The following PHEX variants were observed in gnomAD, a reference collection of about 807,000 sequenced individuals.
PHEX encodes the protein phosphate regulating endopeptidase X-linked.
Under a neutral mutation model 68.0 loss-of-function variants are expected in PHEX, and 16 were observed. The ratio of observed to expected loss-of-function variants is 0.24; its 90% confidence interval spans 0.16 to 0.36. The LOEUF is 0.36. Ranked by LOEUF, PHEX falls within the 10% of genes least tolerant of loss-of-function variation. The pLI, the probability that PHEX is intolerant of heterozygous loss-of-function variation, is 1.00. For synonymous variants in PHEX, 208 were observed against 205.1 expected (o/e 1.01, Z -0.12); for missense variants, 480 against 575.5 (o/e 0.83, Z 1.70).
chrX:22,223,646 G>A (rs956609251), intron 18 of PHEX, among the ~76,000 whole-genome samples: 2 of 96,171 alleles, frequency 2.1e-5, no homozygotes, highest in South Asian at 8.5e-4. Context: ...CTACTCAGGA[G>A]GCTGAGGTGG....
intron 13 of PHEX, among the ~76,000 whole-genome samples, chrX:22,175,347 C>G (rs1433641427): frequency 9.5e-6 from 1 of 105,513 alleles, no homozygotes; most frequent in African/African-American, 3.4e-5. Context: ...TTCTTTACAA[C>G]GTTTTTTTTT....
At chrX:22,112,992 A>G (rs1931047497) in intron 10 of PHEX, among the ~76,000 whole-genome samples, 1 of 105,752 alleles carries the variant, frequency 9.5e-6, no homozygotes, top group African/African-American at 3.4e-5. Flanking sequence ...TTAAGATACA[A>G]AACAAGTAGG....
intron 16 of PHEX, among the ~76,000 whole-genome samples, chrX:22,215,172 CTATT>C (rs1213812183): frequency 4.5e-5 from 5 of 111,208 alleles, no homozygotes; most frequent in South Asian, 3.8e-4. Context: ...ATGTTAGTGT[CTATT>C]TGTTTGTACC....
intron 20 of PHEX, among the ~76,000 whole-genome samples, chrX:22,229,208 G>T (rs1475395000): frequency 8.9e-6 from 1 of 111,755 alleles, no homozygotes; most frequent in East Asian, 2.8e-4. Context: ...AGTGTGCATG[G>T]CATCTTTCTT....
chrX:22,043,001 T>G (rs1321149890), intron 2 of PHEX, among the ~76,000 whole-genome samples: 2 of 112,480 alleles, frequency 1.8e-5, no homozygotes, highest in Non-Finnish European at 3.8e-5. Flanking sequence ...AGATTTCATT[T>G]ATCCTACTTA....
At chrX:22,209,948 A>T (rs113838302) in intron 15 of PHEX, among the ~76,000 whole-genome samples, 13,595 of 107,577 alleles carry the variant, frequency 0.13, 938 homozygotes, top group African/African-American at 0.26. Flanking sequence ...GGTAAAAAAA[A>T]AAAAAAATAA....
At chrX:22,175,348 G>GT (rs1477180493) in intron 13 of PHEX, among the ~76,000 whole-genome samples, 5,357 of 91,595 alleles carry the variant, frequency 0.058, 131 homozygotes, top group Middle Eastern at 0.14. Flanking sequence ...TCTTTACAAC[G>GT]TTTTTTTTTT....
At chrX:22,061,819 T>C (rs1222560358) in intron 3 of PHEX, among the ~76,000 whole-genome samples, 1 of 111,661 alleles carries the variant, frequency 9.0e-6, no homozygotes, top group Non-Finnish European at 1.9e-5. Context: ...GGGCAAACTG[T>C]GGCTTAGAGA....
At chrX:22,058,412 G>T (rs188281754) in intron 3 of PHEX, among the ~76,000 whole-genome samples, 1 of 112,400 alleles carries the variant, frequency 8.9e-6, no homozygotes, top group Non-Finnish European at 1.9e-5. Context: ...CTTAAGAAAT[G>T]TTCTGCAGCC....
chrX:22,215,512 T>G (rs1454798215), intron 16 of PHEX, among the ~76,000 whole-genome samples: 1 of 111,422 alleles, frequency 9.0e-6, no homozygotes, highest in East Asian at 2.8e-4. Context: ...GAAGAGAGAA[T>G]CAGGACTGTA....
intron 2 of PHEX, among the ~76,000 whole-genome samples, chrX:22,044,909 G>T (rs1254364955): frequency 9.2e-6 from 1 of 108,567 alleles, no homozygotes; most frequent in East Asian, 2.9e-4. Flanking sequence ...TGTTGCCCAG[G>T]CTGGTCTCGA....
At chrX:22,140,491 A>T (rs1932410067) in intron 12 of PHEX, among the ~76,000 whole-genome samples, 1 of 110,178 alleles carries the variant, frequency 9.1e-6, no homozygotes, top group African/African-American at 3.3e-5. Flanking sequence ...TTATTTATTT[A>T]TTTTTTTCGA....
intron 12 of PHEX, among the ~76,000 whole-genome samples, chrX:22,136,952 T>G (rs1228258268): frequency 1.8e-5 from 2 of 112,162 alleles, no homozygotes; most frequent in Admixed American, 9.5e-5. Context: ...AAGCACCGCT[T>G]TTTGTTTAGG....
intron 13 of PHEX, chrX:22,171,699 T>C (rs947668673): frequency 1.8e-5 from 2 of 111,434 alleles, no homozygotes; most frequent in Non-Finnish European, 3.8e-5. Flanking sequence ...GATGATATGA[T>C]AGATTGTAAT....
intron 12 of PHEX, among the ~76,000 whole-genome samples, chrX:22,161,125 G>T (rs1483497567): frequency 9.4e-6 from 1 of 106,461 alleles, no homozygotes; most frequent in Non-Finnish European, 1.9e-5. Context: ...GACAGAGCGA[G>T]GCTCCACCTC....
chrX:22,189,412 C>T (rs1411212775), intron 14 of PHEX, among the ~76,000 whole-genome samples: 2 of 111,118 alleles, frequency 1.8e-5, no homozygotes, highest in South Asian at 3.8e-4. Context: ...AAAATAATTC[C>T]GTTATTCTCA....
At chrX:22,041,859 CA>C (rs1479206501) in intron 2 of PHEX, among the ~76,000 whole-genome samples, 4 of 111,756 alleles carry the variant, frequency 3.6e-5, no homozygotes, top group Non-Finnish European at 7.5e-5. Context: ...CTAAAACTTA[CA>C]GACTGACATT....
intron 11 of PHEX, among the ~76,000 whole-genome samples, chrX:22,128,144 C>T (rs913843991): frequency 1.8e-5 from 2 of 110,912 alleles, no homozygotes; most frequent in African/African-American, 3.3e-5. Flanking sequence ...CTGCAACCTC[C>T]GCCTCGCGGG....
At chrX:22,205,721 C>T (rs1392745073) in intron 15 of PHEX, among the ~76,000 whole-genome samples, 4 of 109,875 alleles carry the variant, frequency 3.6e-5, no homozygotes, top group African/African-American at 1.3e-4. Context: ...TTCCAAATAA[C>T]ATACAATTTT....
Sources: gnomAD v4.1 joint callset for allele counts (sites outside exome capture counted in the v4.1 genomes callset) on GRCh38, gnomAD v4.1.1 for gene constraint, MANE v1.5 for transcripts, NCBI Gene and HGNC (gene_info 2026-07-23, HGNC 2026-07-21) for gene names.